Variants in PARD3 observed in about 807,000 individuals in gnomAD.
PARD3 encodes partitioning defective 3 homolog.
In PARD3, 75 loss-of-function variants were observed where a neutral mutation model predicts 155.4. That is an observed-to-expected ratio of 0.48 (90% confidence interval 0.40 to 0.58). PARD3 has a LOEUF of 0.58. Ranked by LOEUF, PARD3 falls within the 20% of genes least tolerant of loss-of-function variation. PARD3 has a pLI of 0.00. For missense variants in PARD3, 1,642 were observed against 1,721.7 expected, an observed-to-expected ratio of 0.95 and a Z score of 0.82; for synonymous variants, 576 against 610.5, an observed-to-expected ratio of 0.94 and a Z score of 0.83.
chr10:34,689,348 T>C (rs1184043491), intron 2 of PARD3, among the ~76,000 whole-genome samples: 4 of 152,230 alleles, frequency 2.6e-5, no homozygotes, highest in African/African-American at 9.6e-5. Flanking sequence ...TCTGTGTGAA[T>C]TATGAAAAAC....
intron 22 of PARD3, among the ~76,000 whole-genome samples, chr10:34,196,421 A>G (rs1242138474): frequency 6.6e-6 from 1 of 152,168 alleles, no homozygotes; most frequent in Admixed American, 6.5e-5. Flanking sequence ...TATGTTGATG[A>G]CAATTTTTGA....
chr10:34,386,848 T>C (rs983676056), intron 7 of PARD3, among the ~76,000 whole-genome samples: 1 of 151,300 alleles, frequency 6.6e-6, no homozygotes, highest in Non-Finnish European at 1.5e-5. Context: ...TATTAAGATA[T>C]ATCTATGATT....
At chr10:34,512,112 C>A (rs543575298) in intron 3 of PARD3, among the ~76,000 whole-genome samples, 3 of 152,156 alleles carry the variant, frequency 2.0e-5, no homozygotes, top group Non-Finnish European at 4.4e-5. Flanking sequence ...GTACCTAGAT[C>A]CATTATGTCA....
intron 1 of PARD3, among the ~76,000 whole-genome samples, chr10:34,725,650 G>A (rs2094695844): frequency 6.6e-6 from 1 of 152,124 alleles, no homozygotes; most frequent in African/African-American, 2.4e-5. Flanking sequence ...AAGGGAATGA[G>A]GGAATACATG....
intron 2 of PARD3, among the ~76,000 whole-genome samples, chr10:34,577,981 A>C (rs535674359): frequency 8.3e-4 from 126 of 151,966 alleles, no homozygotes; most frequent in African/African-American, 3.0e-3. Context: ...CCTCCTGAGT[A>C]GCTGGGACTA....
chr10:34,479,196 C>A (rs560583451), intron 3 of PARD3, among the ~76,000 whole-genome samples: 14 of 150,090 alleles, frequency 9.3e-5, no homozygotes, highest in Admixed American at 8.0e-4. Flanking sequence ...GAGTCTCGCC[C>A]TGTCGCCCAG....
intron 20 of PARD3, among the ~76,000 whole-genome samples, chr10:34,299,679 G>A (rs1957062568): frequency 6.6e-6 from 1 of 152,158 alleles, no homozygotes; most frequent in African/African-American, 2.4e-5. Context: ...GACCTGCATG[G>A]ATAAAACTAA....
intron 5 of PARD3, among the ~76,000 whole-genome samples, chr10:34,410,610 G>A (rs1007799547): frequency 5.3e-5 from 8 of 152,140 alleles, no homozygotes; most frequent in Admixed American, 3.9e-4. Context: ...TAAAATGACC[G>A]AGCCAATTGA....
At chr10:34,377,516 G>C (rs1353858691) in intron 10 of PARD3, among the ~76,000 whole-genome samples, 1 of 152,186 alleles carries the variant, frequency 6.6e-6, no homozygotes, top group Non-Finnish European at 1.5e-5. Context: ...CTTGAACCCA[G>C]AAGGTGGAGG....
At chr10:34,572,137 G>A (rs2086463216) in intron 2 of PARD3, among the ~76,000 whole-genome samples, 1 of 151,924 alleles carries the variant, frequency 6.6e-6, no homozygotes, top group Non-Finnish European at 1.5e-5. Context: ...TATTACTGAT[G>A]CTATAAGGAA....
intron 21 of PARD3, among the ~76,000 whole-genome samples, chr10:34,277,114 C>T (rs1020659790): frequency 2.6e-5 from 4 of 152,094 alleles, no homozygotes; most frequent in East Asian, 3.9e-4. Context: ...AACAACAGTT[C>T]GTGGATCTTT....
chr10:34,630,265 C>T (rs192837371), intron 2 of PARD3, among the ~76,000 whole-genome samples: 2 of 152,298 alleles, frequency 1.3e-5, no homozygotes, highest in Non-Finnish European at 2.9e-5. Flanking sequence ...CCAGGCCTTG[C>T]CTGATTTCAA....
At position 34,289,118 on chromosome 10, in the gene PARD3, C is replaced by T. The variant is rs2804546; in HGVS notation, c.3066-4873G>A. Among the ~76,000 whole-genome samples the T allele has an allele frequency of 3.9e-3, 590 of 152,016 alleles. 3 individuals are homozygous for T. Among genetic ancestry groups the T allele is most frequent in the Non-Finnish European group, 6.2e-3 (418 of 67,954 alleles). ...TGGGACTACAGGTGCATGGTACCTACCATGCTCAGCTAATTTTTGTATTTT... is the reference window on the plus strand; with the variant it reads ...TGGGACTACAGGTGCATGGTACCTATCATGCTCAGCTAATTTTTGTATTTT... On this transcript the variant is annotated intron_variant, in intron 20 of 24. Coordinates refer to ENST00000374788, the MANE Select transcript of PARD3 (RefSeq NM_001184785.2).
At chr10:34,752,453 A>G (rs145448040) in intron 1 of PARD3, among the ~76,000 whole-genome samples, 1 of 152,234 alleles carries the variant, frequency 6.6e-6, no homozygotes, top group East Asian at 1.9e-4. Context: ...CTACTAACAC[A>G]GTCAGCCTTT....
At chr10:34,801,813 T>C (rs1842863720) in intron 1 of PARD3, among the ~76,000 whole-genome samples, 1 of 152,096 alleles carries the variant, frequency 6.6e-6, no homozygotes, top group Admixed American at 6.6e-5. Context: ...TAGAGGCCTA[T>C]ATAGTAAGGA....
At chr10:34,643,943 A>T (rs1175300708) in intron 2 of PARD3, among the ~76,000 whole-genome samples, 3 of 152,132 alleles carry the variant, frequency 2.0e-5, no homozygotes, top group Non-Finnish European at 2.9e-5. Flanking sequence ...AATAAAGAGA[A>T]TTACAAAACA....
chr10:34,743,248 A>G (rs958623327), intron 1 of PARD3, among the ~76,000 whole-genome samples: 1 of 152,218 alleles, frequency 6.6e-6, no homozygotes, highest in Admixed American at 6.5e-5. Context: ...TGCTGTCTTC[A>G]ACACCAGGTG....
chr10:34,334,702 T>C (rs988975429), intron 18 of PARD3, among the ~76,000 whole-genome samples: 3 of 150,714 alleles, frequency 2.0e-5, no homozygotes, highest in Non-Finnish European at 4.4e-5. Context: ...CAATATTTTC[T>C]AATTTAATTT....
intron 1 of PARD3, among the ~76,000 whole-genome samples, chr10:34,768,811 C>T (rs1838461793): frequency 6.6e-6 from 1 of 152,214 alleles, no homozygotes; most frequent in Non-Finnish European, 1.5e-5. Context: ...GGCTGAAGCC[C>T]TGCACACATG....
Sources: allele counts gnomAD v4.1 joint callset (sites outside exome capture counted in the v4.1 genomes callset), GRCh38; gene constraint gnomAD v4.1.1; transcripts MANE v1.5; gene names NCBI Gene and HGNC (gene_info 2026-07-23, HGNC 2026-07-21).